Variants in LAMA2 observed in about 807,000 individuals in gnomAD.
LAMA2 encodes the protein laminin subunit alpha 2, also known as laminin subunit alpha-2.
LAMA2 carries 269 observed loss-of-function variants against 364.8 expected under a neutral mutation model. That is an observed-to-expected ratio of 0.74 (90% CI 0.67 to 0.82). The LOEUF is 0.82. Among genes scored for constraint, LAMA2 ranks in the 40% least tolerant of loss-of-function variants. The pLI is 0.00. For synonymous variants in LAMA2, 1,379 were observed against 1,370.6 expected (o/e 1.01, Z -0.14); for missense variants, 3,807 against 3,873.2 (o/e 0.98, Z 0.45).
At chr6:128,923,924 C>G (rs1020260428) in intron 1 of LAMA2, among the ~76,000 whole-genome samples, 1 of 152,074 alleles carries the variant, frequency 6.6e-6, no homozygotes, top group Non-Finnish European at 1.5e-5. Context: ...GGGGAGCTGG[C>G]ACCTAGGTCT....
At chr6:129,369,424 C>T (rs553080541) in intron 33 of LAMA2, among the ~76,000 whole-genome samples, 7 of 152,256 alleles carry the variant, frequency 4.6e-5, no homozygotes, top group African/African-American at 1.4e-4. Context: ...TAGCGCCTAG[C>T]CAGGTCTCTA....
chr6:128,886,479 T>G (rs1776155241), intron 1 of LAMA2, among the ~76,000 whole-genome samples: 1 of 152,112 alleles, frequency 6.6e-6, no homozygotes, highest in Non-Finnish European at 1.5e-5. Flanking sequence ...TAGAAGCACA[T>G]AGGTCTGTTG....
chr6:129,360,536 A>C (rs1339512093), intron 32 of LAMA2, among the ~76,000 whole-genome samples: 1 of 152,166 alleles, frequency 6.6e-6, no homozygotes, highest in Non-Finnish European at 1.5e-5. Flanking sequence ...AGTCTCTCTG[A>C]CCCATTCAGA....
chr6:128,953,810 CT>C (rs997830916), intron 1 of LAMA2, among the ~76,000 whole-genome samples: 1 of 152,070 alleles, frequency 6.6e-6, no homozygotes, highest in African/African-American at 2.4e-5. Flanking sequence ...ACTTTTCCCC[CT>C]ATACTGAGGG....
chr6:129,218,539 A>C (rs1021706439), intron 12 of LAMA2, among the ~76,000 whole-genome samples: 2 of 152,174 alleles, frequency 1.3e-5, no homozygotes, highest in African/African-American at 2.4e-5. Context: ...GTAGGCTGTA[A>C]GTTAAAATAA....
intron 12 of LAMA2, among the ~76,000 whole-genome samples, chr6:129,200,124 G>GTACACATATACACGTGTA (rs1782113303): frequency 1.9e-5 from 2 of 105,984 alleles, no homozygotes; most frequent in African/African-American, 8.1e-5. Context: ...ATATATATGT[G>GTACACATATACACGTGTA]TATATATATA....
intron 4 of LAMA2, among the ~76,000 whole-genome samples, chr6:129,119,692 C>T (rs1030292493): frequency 2.0e-5 from 3 of 152,096 alleles, no homozygotes; most frequent in Admixed American, 6.5e-5. Flanking sequence ...GAACTACAGG[C>T]GCCCGCCACC....
At chr6:128,959,390 CCT>C (rs35182535) in intron 1 of LAMA2, among the ~76,000 whole-genome samples, 3,565 of 152,166 alleles carry the variant, frequency 0.023, 125 homozygotes, top group African/African-American at 0.082. Context: ...TTAATTCCCC[CCT>C]CTTTTAGATA....
At chr6:129,180,574 A>G (rs1238239487) in intron 10 of LAMA2, among the ~76,000 whole-genome samples, 1 of 152,122 alleles carries the variant, frequency 6.6e-6, no homozygotes, top group Non-Finnish European at 1.5e-5. Flanking sequence ...TAAATTTTAA[A>G]TGACTGCTCT....
At chr6:129,423,758 A>G (rs1311148529) in intron 40 of LAMA2, among the ~76,000 whole-genome samples, 1 of 152,052 alleles carries the variant, frequency 6.6e-6, no homozygotes, top group Non-Finnish European at 1.5e-5. Flanking sequence ...AGATAAATAA[A>G]AGAAAATCTA....
intron 40 of LAMA2, among the ~76,000 whole-genome samples, chr6:129,404,338 A>T (rs1780137909): frequency 1.3e-5 from 2 of 152,190 alleles, no homozygotes; most frequent in Admixed American, 6.5e-5. Flanking sequence ...TTGGTTACAT[A>T]TGAAGTTTGG....
chr6:129,160,361 G>T (rs1040798735), intron 8 of LAMA2, among the ~76,000 whole-genome samples: 3 of 152,042 alleles, frequency 2.0e-5, no homozygotes, highest in African/African-American at 7.2e-5. Flanking sequence ...CATCTAAATT[G>T]TCAAATCATT....
At position 129,443,068 on chromosome 6, in the gene LAMA2, A is replaced by G. The variant is rs1388332126; in HGVS notation, c.6274A>G (p.Ile2092Val). 2 of 1,594,478 alleles carry G rather than the reference A, an allele frequency of 1.3e-6. No homozygotes were observed. The highest frequency in any genetic ancestry group is 1.7e-5 in the Admixed American group (1 of 59,210). The change falls in exon 44 of 65, where the codon ATT (isoleucine) becomes GTT (valine). Residue 2092 changes from isoleucine (I) to valine (V), a missense_variant and splice_region_variant. Ile to Val is a conservative substitution (Grantham distance 29). Transcript: ENST00000421865. Reference protein sequence around the residue: ...VVKDPSKNKIIADADATVKNL... With the variant: ...VVKDPSKNKIVADADATVKNL... ...CCATGTGAAATTGCCTGCAGAAATC[A>G]GTACGTATATGTTTACTTATATACC...
At chr6:129,048,493 T>TTCCTTCC (rs1787723179) in intron 1 of LAMA2, among the ~76,000 whole-genome samples, 62 of 51,328 alleles carry the variant, frequency 1.2e-3, no homozygotes, top group African/African-American at 1.3e-3. Flanking sequence ...TCTTTCTTTC[T>TTCCTTCC]TTCCTTCCTT....
intron 3 of LAMA2, among the ~76,000 whole-genome samples, chr6:129,081,003 T>A (rs538110644): frequency 7.2e-5 from 11 of 152,258 alleles, no homozygotes; most frequent in Middle Eastern, 3.4e-3. Context: ...CAAATGTCCA[T>A]CAATGATAGA....
At chr6:129,265,888 C>T (rs1004937861) in intron 15 of LAMA2, among the ~76,000 whole-genome samples, 12 of 152,002 alleles carry the variant, frequency 7.9e-5, no homozygotes, top group Non-Finnish European at 1.6e-4. Flanking sequence ...ACAAATTTGA[C>T]ACTTTTTTTG....
At chr6:129,227,905 G>T (rs569638035) in intron 12 of LAMA2, among the ~76,000 whole-genome samples, 3 of 152,108 alleles carry the variant, frequency 2.0e-5, no homozygotes, top group African/African-American at 7.2e-5. Context: ...TCTTTTGTTC[G>T]GCTATGTCCT....
chr6:129,435,380 T>A (rs1250277047), intron 41 of LAMA2, among the ~76,000 whole-genome samples: 1 of 152,204 alleles, frequency 6.6e-6, no homozygotes, highest in Admixed American at 6.5e-5. Flanking sequence ...ACTGGCTTTA[T>A]TTCAGAGAGT....
At chr6:129,314,247 A>C (rs894529450) in intron 23 of LAMA2, among the ~76,000 whole-genome samples, 2 of 152,088 alleles carry the variant, frequency 1.3e-5, no homozygotes, top group African/African-American at 2.4e-5. Flanking sequence ...AAAAATACAA[A>C]AATTAGCTGG....
Sources: gnomAD v4.1 joint callset for allele counts (sites outside exome capture counted in the v4.1 genomes callset) on GRCh38, gnomAD v4.1.1 for gene constraint, MANE v1.5 for transcripts, NCBI Gene and HGNC (gene_info 2026-07-23, HGNC 2026-07-21) for gene names.